Variants in CADM1 observed in about 807,000 individuals in gnomAD.
The protein encoded by CADM1 is TSLC-1.
A neutral mutation model predicts 53.1 loss-of-function variants in CADM1; 15 were observed. The observed-to-expected ratio is 0.28, with a 90% CI of 0.19 to 0.44. The LOEUF is 0.44. Among genes scored for constraint, CADM1 ranks in the 20% least tolerant of loss-of-function variants. The probability of loss-of-function intolerance (pLI) is 1.00; values close to 1 mark genes in which losing one functional copy is unlikely to be tolerated. For synonymous variants in CADM1, 281 were observed against 243.0 expected (o/e 1.16, Z -1.45); for missense variants, 434 against 611.3 (o/e 0.71, Z 3.06).
chr11:115,479,832 G>A (rs1028309200), intron 1 of CADM1, among the ~76,000 whole-genome samples: 1 of 152,132 alleles, frequency 6.6e-6, no homozygotes, highest in Non-Finnish European at 1.5e-5. Context: ...CTAAGGACAT[G>A]GATGGTAGAT....
intron 1 of CADM1, among the ~76,000 whole-genome samples, chr11:115,394,762 T>C (rs1200835220): frequency 1.3e-5 from 2 of 152,318 alleles, no homozygotes; most frequent in South Asian, 2.1e-4. Context: ...AGGAGCTCTG[T>C]TGATTTCCCT....
Position 115,240,488 on chromosome 11 carries a change from T to A in CADM1, c.125-68A>T, listed in dbSNP as rs952951890. On this transcript the variant is annotated intron_variant, in intron 1 of 11. Transcript: ENST00000331581. ...ATTAAAATGTGATCAGTGGGATCTATTAAAGTGGGAACTAGGCATATTAGA... is the reference window on the plus strand; with the variant it reads ...ATTAAAATGTGATCAGTGGGATCTAATAAAGTGGGAACTAGGCATATTAGA... 4 of 1,530,710 alleles carry A rather than the reference T, an allele frequency of 2.6e-6. No individual in the cohort carries two copies. The African/African-American group carries it at 4.1e-5, about 16-fold the overall frequency. The allele number at this position is 1,530,710 out of a possible 1,614,324, so 94.8% of individuals were successfully genotyped here. A position where few individuals can be genotyped will look rare whatever the true frequency, so the allele number is the denominator to read the frequency against.
intron 1 of CADM1, among the ~76,000 whole-genome samples, chr11:115,472,072 CAGAA>C (rs1949025779): frequency 6.6e-6 from 1 of 152,174 alleles, no homozygotes; most frequent in East Asian, 1.9e-4. Flanking sequence ...ACCAGGGTCC[CAGAA>C]AGAGAGAGTC....
intron 1 of CADM1, among the ~76,000 whole-genome samples, chr11:115,437,571 G>T (rs983099096): frequency 8.5e-5 from 13 of 152,246 alleles, no homozygotes; most frequent in African/African-American, 3.1e-4. Flanking sequence ...TTTCACAGAA[G>T]CAGGAGAAAC....
intron 1 of CADM1, among the ~76,000 whole-genome samples, chr11:115,269,329 C>A (rs1943234350): frequency 6.6e-6 from 1 of 152,062 alleles, no homozygotes; most frequent in Non-Finnish European, 1.5e-5. Flanking sequence ...CTGTTTCTTC[C>A]CAGAGCAATT....
intron 1 of CADM1, among the ~76,000 whole-genome samples, chr11:115,324,026 G>C (rs947312044): frequency 7.3e-5 from 1 of 13,760 alleles, no homozygotes; most frequent in African/African-American, 2.9e-4. Context: ...CTGGGTTAAA[G>C]ATGCTGTGGG....
intron 1 of CADM1, among the ~76,000 whole-genome samples, chr11:115,373,223 C>G (rs1000051100): frequency 6.6e-6 from 1 of 152,112 alleles, no homozygotes; most frequent in Non-Finnish European, 1.5e-5. Flanking sequence ...ACTTTACTGT[C>G]AGATGCACAG....
chr11:115,455,150 C>G (rs1948655441), intron 1 of CADM1, among the ~76,000 whole-genome samples: 1 of 152,236 alleles, frequency 6.6e-6, no homozygotes, highest in Admixed American at 6.5e-5. Flanking sequence ...TTGTTATTAA[C>G]ATGGCAAGTC....
chr11:115,262,396 A>C (rs959906260), intron 1 of CADM1, among the ~76,000 whole-genome samples: 1 of 152,228 alleles, frequency 6.6e-6, no homozygotes, highest in Non-Finnish European at 1.5e-5. Flanking sequence ...AACACACTTT[A>C]AATGAAAGAT....
chr11:115,410,775 GT>G (rs1436226942), intron 1 of CADM1, among the ~76,000 whole-genome samples: 4 of 152,164 alleles, frequency 2.6e-5, no homozygotes, highest in Non-Finnish European at 4.4e-5. Context: ...AAACAAATGA[GT>G]AAAATCTGTG....
At position 115,232,296 on chromosome 11, in the gene CADM1, C is replaced by T. The variant is rs530012860; in HGVS notation, c.425-806G>A. 1.1e-3 allele frequency among the ~76,000 whole-genome samples: 173 copies of T among 152,222 alleles called. 1 individual carries two copies. Among genetic ancestry groups the T allele is most frequent in the South Asian group, 6.6e-3 (32 of 4,818 alleles). On this transcript the variant is annotated intron_variant, in intron 3 of 11. Transcript: ENST00000331581. ...AAAGAATCACTCACCATAAAATGCA[C>T]AGAAAAATTGTCTCAAACCAGTTCC... is the stretch of plus-strand genomic sequence containing the variant.
intron 8 of CADM1, chr11:115,207,296 C>G (rs1940744086): frequency 6.6e-6 from 1 of 152,194 alleles, no homozygotes; most frequent in African/African-American, 2.4e-5. Flanking sequence ...GATCATCTTA[C>G]ATTACCTTGA....
intron 1 of CADM1, among the ~76,000 whole-genome samples, chr11:115,325,783 T>A (rs1397932710): frequency 1.3e-5 from 2 of 152,164 alleles, no homozygotes; most frequent in Non-Finnish European, 2.9e-5. Context: ...GACTCTACAC[T>A]TCCATCAGAA....
At chr11:115,297,893 C>A (rs944391929) in intron 1 of CADM1, among the ~76,000 whole-genome samples, 11 of 152,236 alleles carry the variant, frequency 7.2e-5, no homozygotes, top group Non-Finnish European at 1.6e-4. Context: ...TAATGTGGAA[C>A]AGCCAAAACG....
chr11:115,185,824 A>G (rs1939517144), intron 10 of CADM1, among the ~76,000 whole-genome samples: 1 of 152,216 alleles, frequency 6.6e-6, no homozygotes, highest in Non-Finnish European at 1.5e-5. Context: ...GTATTTCCAA[A>G]CATACATTTC....
At chr11:115,204,482 C>A (rs576128892) in intron 8 of CADM1, among the ~76,000 whole-genome samples, 3 of 152,294 alleles carry the variant, frequency 2.0e-5, no homozygotes, top group African/African-American at 7.2e-5. Context: ...ATATTATGGG[C>A]ACTCAATATT....
intron 1 of CADM1, among the ~76,000 whole-genome samples, chr11:115,309,422 A>G (rs921559140): frequency 2.1e-4 from 32 of 152,144 alleles, no homozygotes; most frequent in African/African-American, 6.0e-4. Context: ...TGAATTGGGG[A>G]AAAAAGTATC....
chr11:115,388,322 T>G (rs1233367207), intron 1 of CADM1, among the ~76,000 whole-genome samples: 1 of 151,968 alleles, frequency 6.6e-6, no homozygotes, highest in Non-Finnish European at 1.5e-5. Context: ...TACTGACTGG[T>G]AAAGGTTGAT....
Position 115,415,400 on chromosome 11 carries a change from G to A in CADM1, c.124+88871C>T, listed in dbSNP as rs192185835. Among the ~76,000 whole-genome samples the A allele has an allele frequency of 2.4e-4, 37 of 152,078 alleles. No individual in the cohort carries two copies. The East Asian group carries it at 4.3e-3, about 17-fold the overall frequency. On this transcript the variant is annotated intron_variant, in intron 1 of 11. Coordinates refer to ENST00000331581, the MANE Select transcript of CADM1 (RefSeq NM_001301043.2). Reference sequence around the variant, plus strand: ...GTTGCACCTGTTAGATCCTATGGCCGGTAGCTAAAACCTAAAAAAAGAGAT... The same window carrying A: ...GTTGCACCTGTTAGATCCTATGGCCAGTAGCTAAAACCTAAAAAAAGAGAT...
Sources: gnomAD v4.1 joint callset for allele counts (sites outside exome capture counted in the v4.1 genomes callset) on GRCh38, gnomAD v4.1.1 for gene constraint, MANE v1.5 for transcripts, NCBI Gene and HGNC (gene_info 2026-07-23, HGNC 2026-07-21) for gene names.